The following ZNF114 variants were observed in gnomAD, a reference collection of about 807,000 sequenced individuals.
ZNF114 encodes the protein zinc finger protein 114, also known as zinc finger protein 114 (Y18).
In ZNF114, 8 loss-of-function variants were observed where a neutral mutation model predicts 6.8. That is an observed-to-expected ratio of 1.18 (90% CI 0.69 to 2.13). The LOEUF (loss-of-function observed/expected upper bound fraction) is 2.13. ZNF114 is among the 30% of genes most tolerant of loss of function. ZNF114 has a pLI of 0.00. For synonymous variants in ZNF114, 169 were observed against 185.5 expected (o/e 0.91, Z 0.72); for missense variants, 472 against 519.5 (o/e 0.91, Z 0.89).
In ZNF114 at chr19:48,282,136, GA is replaced by G; in HGVS notation, c.10-234del. ...GCTGGTCTCGAACTCCTGACCTTGT[GA>G]TCCACCTGCCTCAGCCTCCCAAAGT... On this transcript the variant is annotated intron_variant, in intron 4 of 5. Coordinates refer to ENST00000595607, the MANE Select transcript of ZNF114 (RefSeq NM_153608.4). 3 of 353,784 alleles carry G rather than the reference GA, an allele frequency of 8.5e-6. No homozygotes were observed. The Middle Eastern group carries it at 2.6e-3, about 305-fold the overall frequency. 21.9% of individuals were successfully genotyped at this position (353,784 alleles called of 1,614,324 possible).
chr19:48,271,145 G>T (rs1192967451), intron 1 of ZNF114, 100 bp from the exon 2 acceptor site: 1 of 152,226 alleles, frequency 6.6e-6, no homozygotes, highest in African/African-American at 2.4e-5. Flanking sequence ...CGGTTTAGCC[G>T]CTAGTCAACG....
At chr19:48,272,369 G>A (rs895707455) in intron 3 of ZNF114, among the ~76,000 whole-genome samples, 4 of 150,124 alleles carry the variant, frequency 2.7e-5, no homozygotes, top group African/African-American at 9.8e-5. Context: ...CCGAAATCGA[G>A]CCATTGCACT....
chr19:48,277,967 C>T (rs1424049866), intron 3 of ZNF114, among the ~76,000 whole-genome samples: 1 of 151,988 alleles, frequency 6.6e-6, no homozygotes, highest in Admixed American at 6.6e-5. Context: ...GAGTCTCGCT[C>T]TGTTGCCCAT....
In ZNF114 at chr19:48,282,450, T is replaced by G. The variant is rs200592464; in HGVS notation, c.89T>G (p.Leu30Arg). The change falls in exon 5 of 6, where the codon CTC becomes CGC. Residue 30 changes from leucine to arginine, a missense_variant. By Grantham distance (102) the Leu-to-Arg change is moderately radical. Transcript: ENST00000595607. Reference sequence around the variant, plus strand: ...CTGCTGGACCCAGCTCAGAGGAATCTCTACAGAGACGTGATGCTGGAAAAT... The same window carrying G: ...CTGCTGGACCCAGCTCAGAGGAATCGCTACAGAGACGTGATGCTGGAAAAT... The part of the protein sequence containing the change: ...WTLLDPAQRN[L>R]YRDVMLENSR... The G allele has an allele frequency of 1.9e-6, 3 of 1,612,724 alleles. No individual in the cohort carries two copies. In the East Asian group the frequency reaches 6.7e-5, roughly 36 times the overall value.
At chr19:48,274,894 C>T in intron 3 of ZNF114, among the ~76,000 whole-genome samples, 1 of 152,104 alleles carries the variant, frequency 6.6e-6, no homozygotes, top group African/African-American at 2.4e-5. Flanking sequence ...TCCCTTTGTT[C>T]ATGACATTTA....
chr19:48,285,090 C>A (rs1395228638), intron 5 of ZNF114, among the ~76,000 whole-genome samples: 1 of 152,250 alleles, frequency 6.6e-6, no homozygotes, highest in Non-Finnish European at 1.5e-5. Flanking sequence ...CCTGACCTTA[C>A]CGTCATCACA....
In ZNF114 at chr19:48,287,203, T is replaced by A. The variant is rs1968154107; in HGVS notation, c.*325T>A. The A allele has an allele frequency of 5.8e-6, 1 of 173,514 alleles. No homozygotes were observed. The highest frequency in any genetic ancestry group is 1.2e-5 in the Non-Finnish European group (1 of 82,328). 10.7% of individuals were successfully genotyped at this position (173,514 alleles called of 1,614,324 possible). A position where few individuals can be genotyped will look rare whatever the true frequency, so the allele number is the denominator to read the frequency against. On this transcript the variant is annotated 3_prime_UTR_variant, in exon 6 of 6. Transcript: ENST00000595607. ...AGACTCCTTACGGAAATAAAAAATG[T>A]AGGAAAGACCTGCCGGCCGCGGTGG...
rs546324395 is a variant in ZNF114, at chr19:48,279,323, A to G, written c.-69-408A>G. The stretch of plus-strand genomic sequence containing the variant: ...TGAGGCAGGAGGATCACTTGAGCCC[A>G]GAAGTTTGAGGCTGTAGTGAGCCAT... On this transcript the variant is annotated intron_variant, in intron 3 of 5. Transcript: ENST00000595607. Among the ~76,000 whole-genome samples, 304 of 147,128 alleles carry G rather than the reference A, an allele frequency of 2.1e-3. 5 individuals are homozygous for G. The highest frequency in any genetic ancestry group is 0.02 in the Admixed American group (290 of 14,628).
At position 48,286,121 on chromosome 19, in the gene ZNF114, A is replaced by G; in HGVS notation, c.497A>G (p.Asp166Gly). ...TTCAAGTATAATCCTGTCTTAAACG[A>G]TAGTCAAAAAACACATGAAAACAAC... ...SIFKYNPVLN[D>G]SQKTHENNED... is the part of the protein sequence containing the mutation. The change falls in exon 6 of 6, where the codon GAT (aspartate) becomes GGT (glycine). Residue 166 changes from aspartate to glycine, a missense_variant. Physicochemically the swap from Asp to Gly is moderately conservative, Grantham distance 94. Coordinates refer to ENST00000595607, the MANE Select transcript of ZNF114 (RefSeq NM_153608.4). 6.2e-7 allele frequency: 1 copy of G among 1,614,202 alleles called. No homozygotes were observed. The highest frequency in any genetic ancestry group is 2.2e-5 in the East Asian group (1 of 44,890).
intron 3 of ZNF114, among the ~76,000 whole-genome samples, chr19:48,272,689 A>AAAAAAAAAAAAAAAAAG: frequency 7.0e-6 from 1 of 143,446 alleles, no homozygotes; most frequent in South Asian, 2.1e-4. Context: ...AAAAAAAAAA[A>AAAAAAAAAAAAAAAAAG]AAAAAAAAAG....
At chr19:48,281,362 C>G (rs1967985189) in intron 4 of ZNF114, among the ~76,000 whole-genome samples, 1 of 152,092 alleles carries the variant, frequency 6.6e-6, no homozygotes, top group Non-Finnish European at 1.5e-5. Context: ...AGAATTTGTT[C>G]CATGCTCTTA....
intron 3 of ZNF114, among the ~76,000 whole-genome samples, chr19:48,273,648 G>A (rs1170091555): frequency 1.3e-5 from 2 of 151,880 alleles, no homozygotes; most frequent in African/African-American, 4.8e-5. Flanking sequence ...CAAGATAGAC[G>A]TGGAATGTTG....
rs869238604 is a variant in ZNF114, at chr19:48,281,894, C to CTTTTTT, written c.10-460_10-455dup. Among the ~76,000 whole-genome samples, 12 of 90,518 alleles carry CTTTTTT rather than the reference C, an allele frequency of 1.3e-4. 1 individual carries two copies. Among genetic ancestry groups the CTTTTTT allele is most frequent in the Admixed American group, 3.0e-4 (2 of 6,642 alleles). The allele number at this position is 90,518 out of a possible 152,430, so 59.4% of individuals were successfully genotyped here. On this transcript the variant is annotated intron_variant, in intron 4 of 5. Coordinates refer to ENST00000595607, the MANE Select transcript of ZNF114 (RefSeq NM_153608.4). ...CACCCAACCCCCAGTACAACCTCATCTTTTTTTTTTTTTTTTTTTTTTGAG... is the reference window on the plus strand; with the variant it reads ...CACCCAACCCCCAGTACAACCTCATCTTTTTTTTTTTTTTTTTTTTTTTTTTTTGAG...
intron 3 of ZNF114, among the ~76,000 whole-genome samples, chr19:48,272,673 C>CAAAAAAAAA (rs57823987): frequency 0.015 from 577 of 39,242 alleles, 60 homozygotes; most frequent in Non-Finnish European, 0.018. Context: ...GACTCTCTCT[C>CAAAAAAAAA]AAAAAAAAAA....
rs867317781 is a variant in ZNF114 at position 48,285,854 on chromosome 19, C to T, written c.230C>T (p.Thr77Met). 12 of 1,614,208 alleles carry T rather than the reference C, an allele frequency of 7.4e-6. No individual in the cohort carries two copies. Among genetic ancestry groups the T allele is most frequent in the Middle Eastern group, 1.6e-4 (1 of 6,062 alleles). The change falls in exon 6 of 6, where the codon ACG (threonine) becomes ATG (methionine). Residue 77 changes from threonine to methionine, a missense_variant. Thr to Met is a moderately conservative substitution (Grantham distance 81). Coordinates refer to ENST00000595607, the MANE Select transcript of ZNF114 (RefSeq NM_153608.4). ...CCTGAAGCCAACAGAGTGTGTCTCA[C>T]GAGCATCAGTTCCCAGCACTCCACA... Reference protein sequence around the residue: ...TFPEANRVCLTSISSQHSTLR... With the variant: ...TFPEANRVCLMSISSQHSTLR...
At chr19:48,284,980 T>G (rs919807648) in intron 5 of ZNF114, among the ~76,000 whole-genome samples, 4 of 151,980 alleles carry the variant, frequency 2.6e-5, no homozygotes, top group African/African-American at 9.7e-5. Flanking sequence ...AAATTTCACA[T>G]GGACTCTCTG....
At chr19:48,276,660 A>G (rs879422226) in intron 3 of ZNF114, among the ~76,000 whole-genome samples, 2 of 152,146 alleles carry the variant, frequency 1.3e-5, no homozygotes, top group Admixed American at 1.3e-4. Flanking sequence ...AGTAGCTGAG[A>G]CTAGAGGCGC....
At chr19:48,277,575 T>C (rs887170008) in intron 3 of ZNF114, among the ~76,000 whole-genome samples, 1 of 152,146 alleles carries the variant, frequency 6.6e-6, no homozygotes, top group Non-Finnish European at 1.5e-5. Flanking sequence ...ATTGCAATGA[T>C]TCACTTTGTA....
intron 3 of ZNF114, among the ~76,000 whole-genome samples, chr19:48,276,074 CTTTT>C (rs34454372): frequency 8.4e-4 from 62 of 73,452 alleles, no homozygotes; most frequent in Admixed American, 2.2e-3. Context: ...CCTCTTACCT[CTTTT>C]TTTTTTTTTT....
Sources: gnomAD v4.1 joint callset for allele counts (sites outside exome capture counted in the v4.1 genomes callset) on GRCh38, gnomAD v4.1.1 for gene constraint, MANE v1.5 for transcripts, NCBI Gene and HGNC (gene_info 2026-07-23, HGNC 2026-07-21) for gene names.